Variants in CDK19 observed in about 807,000 individuals in gnomAD.
CDK19 encodes the protein cyclin dependent kinase 19.
A neutral mutation model predicts 68.3 loss-of-function variants in CDK19; 20 were observed. The ratio of observed to expected loss-of-function variants is 0.29; its 90% CI spans 0.21 to 0.43. The LOEUF is 0.43. CDK19 is among the 20% of genes least tolerant of loss of function. The probability of loss-of-function intolerance (pLI) is 1.00; values close to 1 mark genes in which losing one functional copy is unlikely to be tolerated. For synonymous variants in CDK19, 221 were observed against 222.8 expected (o/e 0.99, Z 0.07); for missense variants, 339 against 623.5 (o/e 0.54, Z 4.86).
intron 1 of CDK19, among the ~76,000 whole-genome samples, chr6:110,777,333 G>A (rs1234332601): frequency 6.6e-6 from 1 of 152,106 alleles, no homozygotes; most frequent in African/African-American, 2.4e-5. Context: ...GCAAGACTAA[G>A]TATTTCAGTT....
In CDK19 at chr6:110,784,897, A is replaced by G. The variant is rs187131479; in HGVS notation, c.128+30112T>C. On this transcript the variant is annotated intron_variant, in intron 1 of 12. Coordinates refer to ENST00000368911, the MANE Select transcript of CDK19 (RefSeq NM_015076.5). ...ATATATAGTATGATTTCATTTTTAC[A>G]TATGTCCAGAATAAACAAATCCATA... Among the ~76,000 whole-genome samples the G allele has an allele frequency of 2.4e-4, 37 of 152,302 alleles. No homozygotes were observed. In the East Asian group the frequency reaches 6.4e-3, roughly 26 times the overall value.
chr6:110,785,873 G>A (rs1260192983), intron 1 of CDK19, among the ~76,000 whole-genome samples: 2 of 151,818 alleles, frequency 1.3e-5, no homozygotes, highest in Admixed American at 6.6e-5. Context: ...CCAACTACTC[G>A]GGAGCCTGAG....
Position 110,655,326 on chromosome 6 carries a change from A to G in CDK19, c.456+12108T>C, listed in dbSNP as rs555450508. Reference sequence around the variant, plus strand: ...GGTTGTGGTGAGCCGAGATCGCGCCACTGCACTCTAGCCTGGGCAACAGAG... The same window carrying G: ...GGTTGTGGTGAGCCGAGATCGCGCCGCTGCACTCTAGCCTGGGCAACAGAG... On this transcript the variant is annotated intron_variant, in intron 4 of 12. Coordinates refer to ENST00000368911, the MANE Select transcript of CDK19 (RefSeq NM_015076.5). 2.0e-5 allele frequency among the ~76,000 whole-genome samples: 3 copies of G among 151,966 alleles called. No homozygotes were observed. In the East Asian group the frequency reaches 5.8e-4, roughly 29 times the overall value.
rs1778153424 is a variant in CDK19, at chr6:110,613,929, T to C, written c.*606A>G. 1 of 152,642 alleles carries C rather than the reference T, an allele frequency of 6.6e-6. No individual in the cohort carries two copies. Among genetic ancestry groups the C allele is most frequent in the Admixed American group, 6.5e-5 (1 of 15,282 alleles). 9.5% of individuals were successfully genotyped at this position (152,642 alleles called of 1,614,324 possible). A position where few individuals can be genotyped will look rare whatever the true frequency, so the allele number is the denominator to read the frequency against. Reference sequence around the variant, plus strand: ...ATCTAGGCAGTTTTTGGTTGTAGGTTCCCTCTGTCCCACCGCTTGTCTTTT... The same window carrying C: ...ATCTAGGCAGTTTTTGGTTGTAGGTCCCCTCTGTCCCACCGCTTGTCTTTT... On this transcript the variant is annotated 3_prime_UTR_variant, in exon 13 of 13. Transcript: ENST00000368911.
intron 1 of CDK19, among the ~76,000 whole-genome samples, chr6:110,803,783 T>A (rs1782489608): frequency 6.6e-6 from 1 of 152,110 alleles, no homozygotes; most frequent in Non-Finnish European, 1.5e-5. Context: ...CTGGGCAACA[T>A]GGAAAAATCC....
intron 1 of CDK19, among the ~76,000 whole-genome samples, chr6:110,781,177 G>C (rs1780787662): frequency 6.6e-6 from 1 of 152,152 alleles, no homozygotes; most frequent in Non-Finnish European, 1.5e-5. Flanking sequence ...GGCCATATAA[G>C]AAACATGGCA....
At position 110,642,308 on chromosome 6, in the gene CDK19, CAAAAAAA is replaced by C. The variant is rs56320713; in HGVS notation, c.457-3609_457-3603del. Among the ~76,000 whole-genome samples the C allele has an allele frequency of 3.8e-4, 37 of 96,316 alleles. No individual in the cohort carries two copies. In the East Asian group the frequency reaches 0.01, roughly 26 times the overall value. The allele number at this position is 96,316 out of a possible 152,430, so 63.2% of individuals were successfully genotyped here. On this transcript the variant is annotated intron_variant, in intron 4 of 12. Transcript: ENST00000368911. ...TAGGCGACAGAGTGAGACTCTGTTTCAAAAAAAAAAAAAAAAAAAAAGGGTTCAAGAC... is the reference window on the plus strand; with the variant it reads ...TAGGCGACAGAGTGAGACTCTGTTTCAAAAAAAAAAAAAAGGGTTCAAGAC...
intron 1 of CDK19, among the ~76,000 whole-genome samples, chr6:110,792,598 G>T (rs892494242): frequency 2.6e-5 from 4 of 152,192 alleles, no homozygotes; most frequent in African/African-American, 9.6e-5. Context: ...AGTAGAGACG[G>T]GGTTTTGCCA....
At chr6:110,622,991 T>G (rs1313903093) in intron 9 of CDK19, 79 bp from the exon 10 acceptor site, 5 of 878,064 alleles carry the variant, frequency 5.7e-6, no homozygotes, top group Non-Finnish European at 7.8e-6. Flanking sequence ...TATTACTGTG[T>G]AACAGGATTA....
Position 110,815,122 on chromosome 6 carries a change from G to A in CDK19, c.15C>T (p.Phe5=). 1.2e-6 allele frequency: 2 copies of A among 1,601,102 alleles called. No individual in the cohort carries two copies. Residue 5 remains phenylalanine, a synonymous_variant, in exon 1 of 13, where the codon TTC becomes TTT. Coordinates refer to ENST00000368911, the MANE Select transcript of CDK19 (RefSeq NM_015076.5). The stretch of plus-strand genomic sequence containing the variant: ...CCCGCTCCGCCGCCAGCTTCGCCTT[G>A]AAATCATAATCCATTGTCTGCTTCC... MDYD[F]KAKLAAERER...
chr6:110,692,885 T>C (rs1342208454), intron 2 of CDK19, among the ~76,000 whole-genome samples: 1 of 152,046 alleles, frequency 6.6e-6, no homozygotes, highest in Non-Finnish European at 1.5e-5. Context: ...TAATCCCAGC[T>C]ACTTGGGAGG....
At chr6:110,616,836 AT>A (rs1240452443) in intron 12 of CDK19, among the ~76,000 whole-genome samples, 1 of 152,176 alleles carries the variant, frequency 6.6e-6, no homozygotes, top group African/African-American at 2.4e-5. Flanking sequence ...ATTTGGGGCA[AT>A]TTTGCCATAA....
chr6:110,734,400 T>C (rs1286309181), intron 2 of CDK19, among the ~76,000 whole-genome samples: 1 of 152,058 alleles, frequency 6.6e-6, no homozygotes, highest in Non-Finnish European at 1.5e-5. Flanking sequence ...AAAATTTTAC[T>C]TGTGGAACAC....
intron 2 of CDK19, among the ~76,000 whole-genome samples, chr6:110,696,643 C>T (rs114605382): frequency 0.016 from 2,379 of 152,212 alleles, 19 homozygotes; most frequent in Middle Eastern, 0.041. Context: ...TTCACTAGGC[C>T]GGGTGTGGTG....
chr6:110,669,855 T>A (rs577697304), intron 3 of CDK19, among the ~76,000 whole-genome samples: 3 of 152,272 alleles, frequency 2.0e-5, no homozygotes, highest in Non-Finnish European at 4.4e-5. Context: ...CATTAATTAC[T>A]TGCATAAAAG....
chr6:110,692,346 A>T (rs1438741761), intron 2 of CDK19, among the ~76,000 whole-genome samples: 3 of 152,056 alleles, frequency 2.0e-5, no homozygotes, highest in Non-Finnish European at 2.9e-5. Flanking sequence ...AATGTAATGT[A>T]GTAGAAAGTT....
At chr6:110,787,586 C>A (rs939740061) in intron 1 of CDK19, among the ~76,000 whole-genome samples, 2 of 151,912 alleles carry the variant, frequency 1.3e-5, no homozygotes, top group Non-Finnish European at 2.9e-5. Context: ...AGCTGACACT[C>A]TAGGTAACGT....
At chr6:110,802,415 T>C (rs769917721) in intron 1 of CDK19, among the ~76,000 whole-genome samples, 8 of 108,606 alleles carry the variant, frequency 7.4e-5, no homozygotes, top group Middle Eastern at 3.6e-3. Context: ...CTAAGTGAAA[T>C]AAGTAAGAAA....
chr6:110,804,974 C>A (rs2115129129), intron 1 of CDK19, among the ~76,000 whole-genome samples: 1 of 151,728 alleles, frequency 6.6e-6, no homozygotes, highest in Non-Finnish European at 1.5e-5. Context: ...AAAAAAAAGA[C>A]ACCTGTTATT....
Sources: gnomAD v4.1 joint callset for allele counts (sites outside exome capture counted in the v4.1 genomes callset) on GRCh38, gnomAD v4.1.1 for gene constraint, MANE v1.5 for transcripts, NCBI Gene and HGNC (gene_info 2026-07-23, HGNC 2026-07-21) for gene names.